KICS2: variants seen among roughly 807,000 people sequenced by gnomAD.
KICS2 encodes KICSTOR complex protein C12orf66.
KICS2 carries 13 observed loss-of-function variants against 31.4 expected under a neutral mutation model. That is an observed-to-expected ratio of 0.41 (90% CI 0.27 to 0.66). The LOEUF (loss-of-function observed/expected upper bound fraction) is 0.66. Ranked by LOEUF, KICS2 falls within the 30% of genes least tolerant of loss-of-function variation. The pLI is 0.28. For missense variants in KICS2, 455 were observed against 545.4 expected (o/e 0.83, Z 1.65); for synonymous variants, 209 against 214.8 (o/e 0.97, Z 0.24).
chr12:64,213,006 G>A (rs935082916), intron 2 of KICS2, among the ~76,000 whole-genome samples: 1 of 150,600 alleles, frequency 6.6e-6, no homozygotes, highest in Admixed American at 6.6e-5. Context: ...TGGGAAGGTC[G>A]CTGAGCCCTG....
intron 2 of KICS2, among the ~76,000 whole-genome samples, chr12:64,197,652 T>G (rs889402924): frequency 5.3e-5 from 8 of 150,314 alleles, no homozygotes; most frequent in African/African-American, 9.9e-5. Flanking sequence ...AGACACAGAC[T>G]GGCAAATTGG....
At chr12:64,188,752 G>C (rs2037358613), downstream of KICS2, among the ~76,000 whole-genome samples, 1 of 152,014 alleles carries the variant, frequency 6.6e-6, no homozygotes. Flanking sequence ...TCAAATTCAG[G>C]GTTAAACCTA....
At chr12:64,203,634 A>C (rs1233963978) in intron 2 of KICS2, among the ~76,000 whole-genome samples, 1 of 152,190 alleles carries the variant, frequency 6.6e-6, no homozygotes, top group Non-Finnish European at 1.5e-5. Context: ...GCTGGTGAAA[A>C]AGAAAATGCT....
intron 2 of KICS2, among the ~76,000 whole-genome samples, chr12:64,195,950 A>G (rs1189797824): frequency 6.6e-6 from 1 of 152,122 alleles, no homozygotes; most frequent in African/African-American, 2.4e-5. Flanking sequence ...GGAGGGTCCT[A>G]TGCCCACGGA....
chr12:64,195,884 T>C (rs1301569603), intron 2 of KICS2, among the ~76,000 whole-genome samples: 1 of 152,212 alleles, frequency 6.6e-6, no homozygotes, highest in Non-Finnish European at 1.5e-5. Flanking sequence ...AATACTGCGC[T>C]TTTCTGACTG....
intron 2 of KICS2, among the ~76,000 whole-genome samples, chr12:64,196,473 A>C (rs935331170): frequency 6.7e-6 from 1 of 150,344 alleles, no homozygotes; most frequent in Non-Finnish European, 1.5e-5. Context: ...CAAAGACCAA[A>C]AGTAGATAAA....
downstream of KICS2, among the ~76,000 whole-genome samples, chr12:64,189,687 A>G (rs774933745): frequency 6.6e-6 from 1 of 152,082 alleles, no homozygotes; most frequent in Non-Finnish European, 1.5e-5. Flanking sequence ...ACACACACAC[A>G]CCACAGACAG....
chr12:64,192,928 T>G lies in KICS2; in HGVS notation c.*914A>C, dbSNP rs990377357. 6.5e-5 allele frequency: 64 copies of G among 985,366 alleles called. No homozygotes were observed. Among genetic ancestry groups the G allele is most frequent in the Non-Finnish European group, 7.7e-5 (64 of 829,956 alleles). The allele number at this position is 985,366 out of a possible 1,614,324, so 61.0% of individuals were successfully genotyped here. A position where few individuals can be genotyped will look rare whatever the true frequency, so the allele number is the denominator to read the frequency against. On this transcript the variant is annotated 3_prime_UTR_variant, in exon 3 of 3. Transcript: ENST00000398055. ...AGTACAGCGTATGAAGACCTTCATT[T>G]TGATTTTATAAAAGTAGGCTATGTT...
chr12:64,201,484 T>C (rs1223591271), intron 2 of KICS2, among the ~76,000 whole-genome samples: 162 of 115,416 alleles, frequency 1.4e-3, no homozygotes, highest in African/African-American at 4.0e-3. Context: ...AGGGATAGCA[T>C]TGGGAGATAT....
chr12:64,221,114 G>C (rs955192006), intron 1 of KICS2, among the ~76,000 whole-genome samples: 7 of 137,084 alleles, frequency 5.1e-5, no homozygotes, highest in Non-Finnish European at 9.6e-5. Context: ...GGGAACGGGG[G>C]GGGGTGGATC....
At chr12:64,208,429 T>C (rs1214054287) in intron 2 of KICS2, among the ~76,000 whole-genome samples, 1 of 152,240 alleles carries the variant, frequency 6.6e-6, no homozygotes. Flanking sequence ...TGCTTAAGTC[T>C]TCACTATTAA....
chr12:64,192,744 C>T lies in KICS2; in HGVS notation c.*1098G>A, dbSNP rs1565713055. ...CCACCTACTTCCCATGAACACCTGC[C>T]GAAGGAAAGAAATAAGGCAGCATGT... On this transcript the variant is annotated 3_prime_UTR_variant, in exon 3 of 3. Transcript: ENST00000398055. 1 of 985,228 alleles carries T rather than the reference C, an allele frequency of 1.0e-6. No homozygotes were observed. The highest frequency in any genetic ancestry group is 1.2e-6 in the Non-Finnish European group (1 of 829,934). 61.0% of individuals were successfully genotyped at this position (985,228 alleles called of 1,614,324 possible).
intron 2 of KICS2, among the ~76,000 whole-genome samples, chr12:64,213,676 T>G (rs1249607533): frequency 6.6e-6 from 1 of 152,216 alleles, no homozygotes; most frequent in African/African-American, 2.4e-5. Context: ...TCCAAGTTGT[T>G]TTATTTCTGG....
At chr12:64,194,935 C>CTT (rs2037418703) in intron 2 of KICS2, among the ~76,000 whole-genome samples, 3 of 57,108 alleles carry the variant, frequency 5.3e-5, no homozygotes, top group Non-Finnish European at 1.0e-4. Flanking sequence ...AGCTACAATT[C>CTT]ATTTTTTTTT....
downstream of KICS2, among the ~76,000 whole-genome samples, chr12:64,189,828 T>C (rs935618647): frequency 6.6e-6 from 1 of 152,058 alleles, no homozygotes; most frequent in African/African-American, 2.4e-5. Context: ...ATAAAAACTA[T>C]AAATGTATAT....
chr12:64,221,880 G>C, intron 1 of KICS2, 123 bp downstream of exon 1: 1 of 1,083,276 alleles, frequency 9.2e-7, no homozygotes, highest in African/African-American at 1.6e-5. Context: ...GGAGATCTGG[G>C]AATGCCGAGT....
intron 2 of KICS2, among the ~76,000 whole-genome samples, chr12:64,201,618 A>AG (rs2037490233): frequency 1.9e-5 from 2 of 102,898 alleles, no homozygotes; most frequent in African/African-American, 4.1e-5. Flanking sequence ...AAAAAAAAAA[A>AG]GAAAAAAAAA....
At chr12:64,198,928 A>C (rs2037463813) in intron 2 of KICS2, among the ~76,000 whole-genome samples, 1 of 151,394 alleles carries the variant, frequency 6.6e-6, no homozygotes, top group Admixed American at 6.6e-5. Flanking sequence ...TTAATAGACC[A>C]ATAACAGGAG....
chr12:64,203,177 G>A (rs564019882), intron 2 of KICS2, among the ~76,000 whole-genome samples: 1 of 152,296 alleles, frequency 6.6e-6, no homozygotes, highest in East Asian at 1.9e-4. Context: ...GACTCAAGCA[G>A]AAATTTAGTC....
Sources: gnomAD v4.1 joint callset for allele counts (sites outside exome capture counted in the v4.1 genomes callset) on GRCh38, gnomAD v4.1.1 for gene constraint, MANE v1.5 for transcripts, NCBI Gene and HGNC (gene_info 2026-07-23, HGNC 2026-07-21) for gene names.